Variants in ZNF786 observed in about 807,000 individuals in gnomAD.
ZNF786 encodes the protein zinc finger protein 786.
A neutral mutation model predicts 63.1 loss-of-function variants in ZNF786; 56 were observed. The observed-to-expected ratio is 0.89, with a 90% CI of 0.72 to 1.11. The LOEUF is 1.11. Ranked by LOEUF, ZNF786 falls within the 50% of genes least tolerant of loss-of-function variation. ZNF786 has a pLI of 0.00. For missense variants in ZNF786, 1,213 were observed against 1,041.8 expected (o/e 1.16, Z -2.26); for synonymous variants, 485 against 406.9 (o/e 1.19, Z -2.31).
In ZNF786 at chr7:149,071,926, G is replaced by A. The variant is rs764975430; in HGVS notation, c.846C>T (p.Thr282=). 17 of 1,609,054 alleles carry A rather than the reference G, an allele frequency of 1.1e-5. No homozygotes were observed. In the South Asian group the frequency reaches 1.3e-4, roughly 12 times the overall value. Residue 282 remains threonine (T), a synonymous_variant, in exon 4 of 4, where the codon ACC becomes ACT. Coordinates refer to ENST00000491431, the MANE Select transcript of ZNF786 (RefSeq NM_152411.4). The part of the protein sequence containing the change: ...DGEMCFRHEL[T]HPSHRLPQQG... ...GCTGCGGGAGGCGGTGGCTGGGATG[G>A]GTCAGCTCGTGTCGGAAGCACATTT...
intron 1 of ZNF786, among the ~76,000 whole-genome samples, chr7:149,080,956 T>C (rs147235781): frequency 2.0e-5 from 3 of 152,202 alleles, no homozygotes; most frequent in Admixed American, 6.6e-5. Flanking sequence ...ATGTAGAGTA[T>C]GGAATTTTTT....
In ZNF786 at chr7:149,071,520, C is replaced by T. The variant is rs1825416276; in HGVS notation, c.1252G>A (p.Ala418Thr). 1.9e-6 allele frequency: 3 copies of T among 1,610,552 alleles called. No homozygotes were observed. Among genetic ancestry groups the T allele is most frequent in the Non-Finnish European group, 2.5e-6 (3 of 1,179,026 alleles). ...LRRLLQVHQHAHGGERPFSCR... is the reference protein window; with the variant it reads ...LRRLLQVHQHTHGGERPFSCR... ...GAGAACGGTCTCTCCCCACCGTGCG[C>T]GTGCTGGTGGACCTGCAGCAGGCGG... Residue 418 changes from alanine (A) to threonine (T), a missense_variant, in exon 4 of 4, where the codon GCG becomes ACG. Physicochemically the swap from Ala to Thr is moderately conservative, Grantham distance 58. Coordinates refer to ENST00000491431, the MANE Select transcript of ZNF786 (RefSeq NM_152411.4).
At position 149,070,812 on chromosome 7, in the gene ZNF786, C is replaced by A; in HGVS notation, c.1960G>T (p.Gly654Cys). The A allele has an allele frequency of 6.2e-7, 1 of 1,613,788 alleles. No homozygotes were observed. Among genetic ancestry groups the A allele is most frequent in the South Asian group, 1.1e-5 (1 of 91,088 alleles). ...TTTGAGTGTTTCACAAAGCCCTTGC[C>A]GCACTCACAGGAGAAAGGCATCTCC... ...SGEMPFSCEC[G>C]KGFVKHSKLI... Residue 654 changes from glycine (G) to cysteine (C), a missense_variant, in exon 4 of 4, where the codon GGC becomes TGC. Transcript: ENST00000491431.
chr7:149,088,979 CAG>C (rs1372172543), intron 1 of ZNF786, among the ~76,000 whole-genome samples: 3 of 135,344 alleles, frequency 2.2e-5, no homozygotes, highest in South Asian at 2.3e-4. Context: ...TTTTTGGAGA[CAG>C]AGTCTTGCTC....
intron 1 of ZNF786, among the ~76,000 whole-genome samples, chr7:149,081,879 C>A (rs1030053276): frequency 5.3e-5 from 8 of 152,052 alleles, no homozygotes; most frequent in African/African-American, 1.9e-4. Context: ...CAAAAGACTC[C>A]TAGATTTGAC....
At position 149,070,382 on chromosome 7, in the gene ZNF786, A is replaced by C; in HGVS notation, c.*41T>G. On this transcript the variant is annotated 3_prime_UTR_variant, in exon 4 of 4. Coordinates refer to ENST00000491431, the MANE Select transcript of ZNF786 (RefSeq NM_152411.4). ...CTACTGTTGCTGTGGATTCCTGGGC[A>C]ATACCAATCCTGCTCAACGCTTTGG... 6.3e-7 allele frequency: 1 copy of C among 1,591,070 alleles called. No individual in the cohort carries two copies. The highest frequency in any genetic ancestry group is 2.2e-5 in the East Asian group (1 of 44,568).
intron 3 of ZNF786, among the ~76,000 whole-genome samples, chr7:149,073,874 T>C (rs1384856050): frequency 6.7e-6 from 1 of 149,406 alleles, no homozygotes; most frequent in African/African-American, 2.5e-5. Flanking sequence ...CACTGCAAGC[T>C]CTGCCTCCCA....
At chr7:149,073,405 C>T (rs1336794574) in intron 3 of ZNF786, among the ~76,000 whole-genome samples, 3 of 151,920 alleles carry the variant, frequency 2.0e-5, no homozygotes, top group African/African-American at 7.3e-5. Flanking sequence ...AACCATGGGC[C>T]AGGCATGGTG....
chr7:149,073,329 G>A (rs575148543), intron 3 of ZNF786, among the ~76,000 whole-genome samples: 76 of 152,296 alleles, frequency 5.0e-4, no homozygotes, highest in Non-Finnish European at 5.9e-5. Context: ...AGCTCAGGTT[G>A]AAGTATTCAA....
intron 1 of ZNF786, among the ~76,000 whole-genome samples, chr7:149,089,304 G>A (rs1012933294): frequency 6.6e-6 from 1 of 150,516 alleles, no homozygotes; most frequent in Non-Finnish European, 1.5e-5. Flanking sequence ...GTGTTCCACC[G>A]TCTGAATGTC....
At chr7:149,088,654 C>A (rs1825775599) in intron 1 of ZNF786, among the ~76,000 whole-genome samples, 1 of 152,062 alleles carries the variant, frequency 6.6e-6, no homozygotes, top group Non-Finnish European at 1.5e-5. Context: ...TATAAGCATC[C>A]TAGTATTCAC....
At chr7:149,077,302 G>A (rs1311783474) in intron 2 of ZNF786, among the ~76,000 whole-genome samples, 1 of 152,162 alleles carries the variant, frequency 6.6e-6, no homozygotes, top group Non-Finnish European at 1.5e-5. Flanking sequence ...TTGACAGAAG[G>A]CAGAAAGATC....
chr7:149,084,488 T>G (rs1179369375), intron 1 of ZNF786, among the ~76,000 whole-genome samples: 2 of 152,202 alleles, frequency 1.3e-5, no homozygotes, highest in Non-Finnish European at 2.9e-5. Flanking sequence ...GTAACCTTGT[T>G]TTTAACTTTT....
At position 149,071,803 on chromosome 7, in the gene ZNF786, C is replaced by A. The variant is rs1254286025; in HGVS notation, c.969G>T (p.Pro323=). ...ARRCQHSREG[P]ASWREGRGAS... ...CCCCGCGGCCTTCTCTCCAAGAGGC[C>A]GGCCCCTCCCGGCTGTGCTGGCACC... The change falls in exon 4 of 4, where the codon CCG becomes CCT. Residue 323 remains proline, a synonymous_variant. Coordinates refer to ENST00000491431, the MANE Select transcript of ZNF786 (RefSeq NM_152411.4). 1.9e-6 allele frequency: 3 copies of A among 1,583,734 alleles called. No individual in the cohort carries two copies. The Admixed American group carries it at 5.1e-5, about 27-fold the overall frequency.
chr7:149,070,272 G>C lies in ZNF786; in HGVS notation c.*151C>G. ...GATGCTTCTGAAGAGAAAATCCTTT[G>C]TGGTTCTTCATATTCCTAACTTGCA... On this transcript the variant is annotated 3_prime_UTR_variant, in exon 4 of 4. Transcript: ENST00000491431. 1.1e-6 allele frequency: 1 copy of C among 903,502 alleles called. No homozygotes were observed. Among genetic ancestry groups the C allele is most frequent in the Non-Finnish European group, 1.7e-6 (1 of 599,444 alleles). The allele number at this position is 903,502 out of a possible 1,614,324, so 56.0% of individuals were successfully genotyped here.
rs769830865 is a variant in ZNF786, at chr7:149,071,634, T to C, written c.1138A>G (p.Met380Val). Residue 380 changes from methionine to valine, a missense_variant, in exon 4 of 4, where the codon ATG (methionine) becomes GTG (valine). Physicochemically the swap from Met to Val is conservative, Grantham distance 21. Transcript: ENST00000491431. ...CAGGGGCTGGCGAGCCTGGCGCTCA[T>C]AGGGGAGCGCTCGCCACACTCCGAG... ...SCSECGERSP[M>V]SARLASPCRA... 28 of 1,581,418 alleles carry C rather than the reference T, an allele frequency of 1.8e-5. No individual in the cohort carries two copies. The African/African-American group carries it at 2.8e-4, about 16-fold the overall frequency.
chr7:149,080,798 A>T, intron 1 of ZNF786, 81 bp from the exon 2 acceptor site: 1 of 1,501,582 alleles, frequency 6.7e-7, no homozygotes, highest in Non-Finnish European at 8.9e-7. Flanking sequence ...AATTTAAAAG[A>T]CTTCTGCAGT....
At position 149,071,201 on chromosome 7, in the gene ZNF786, A is replaced by C. The variant is rs764909408; in HGVS notation, c.1571T>G (p.Leu524Arg). Residue 524 changes from leucine (L) to arginine (R), a missense_variant, in exon 4 of 4, where the codon CTC becomes CGC. Transcript: ENST00000491431. Reference protein sequence around the residue: ...CGRGFTHQCKLREHLRVHSGE... With the variant: ...CGRGFTHQCKRREHLRVHSGE... ...GCTGTGCACTCTCAGGTGCTCACGG[A>C]GCTTGCACTGGTGGGTGAAGCCTCT... 2 of 1,611,264 alleles carry C rather than the reference A, an allele frequency of 1.2e-6. No individual in the cohort carries two copies. The highest frequency in any genetic ancestry group is 3.3e-5 in the Admixed American group (2 of 59,974).
At chr7:149,078,632 C>T (rs1022546472) in intron 2 of ZNF786, among the ~76,000 whole-genome samples, 2 of 151,690 alleles carry the variant, frequency 1.3e-5, no homozygotes, top group Non-Finnish European at 2.9e-5. Context: ...TGCGGTGAGC[C>T]GACATGGTGC....
Sources: gnomAD v4.1 joint callset for allele counts (sites outside exome capture counted in the v4.1 genomes callset) on GRCh38, gnomAD v4.1.1 for gene constraint, MANE v1.5 for transcripts, NCBI Gene and HGNC (gene_info 2026-07-23, HGNC 2026-07-21) for gene names.